The following ATP2B2 variants were observed in gnomAD, a reference collection of about 807,000 sequenced individuals.
ATP2B2 encodes ATPase plasma membrane Ca2+ transporting 2.
ATP2B2 carries 15 observed loss-of-function variants against 120.0 expected under a neutral mutation model. That is an observed-to-expected ratio of 0.12 (90% CI 0.08 to 0.19). The LOEUF is 0.19. Among genes scored for constraint, ATP2B2 ranks in the 10% least tolerant of loss-of-function variants. The pLI is 1.00. For missense variants in ATP2B2, 1,045 were observed against 1,719.8 expected (o/e 0.61, Z 6.94); for synonymous variants, 694 against 700.3 (o/e 0.99, Z 0.14).
chr3:10,385,237 C>A (rs1048064133), intron 8 of ATP2B2, 31 bp downstream of exon 8: 21 of 1,610,766 alleles, frequency 1.3e-5, no homozygotes, highest in Non-Finnish European at 1.5e-5. Context: ...CCCATCCAAC[C>A]ATGACCAGGA....
At chr3:10,704,738 G>A (rs915089879) in intron 1 of ATP2B2, among the ~76,000 whole-genome samples, 3 of 152,180 alleles carry the variant, frequency 2.0e-5, no homozygotes, top group Non-Finnish European at 4.4e-5. Context: ...TGGAGAGGGT[G>A]GAAAGGAGGC....
intron 2 of ATP2B2, among the ~76,000 whole-genome samples, chr3:10,599,111 C>A (rs908486246): frequency 6.6e-6 from 1 of 152,194 alleles, no homozygotes; most frequent in Non-Finnish European, 1.5e-5. Context: ...ATCCCTGGGG[C>A]CTTAGTCCAC....
chr3:10,663,727 C>T (rs2070850165), intron 1 of ATP2B2, among the ~76,000 whole-genome samples: 1 of 152,088 alleles, frequency 6.6e-6, no homozygotes, highest in African/African-American at 2.4e-5. Context: ...AGAGGGGGTC[C>T]AAGCTGAGCC....
intron 3 of ATP2B2, among the ~76,000 whole-genome samples, chr3:10,408,711 A>G (rs2062503500): frequency 1.3e-5 from 2 of 152,214 alleles, no homozygotes; most frequent in Admixed American, 6.5e-5. Context: ...AAGATGGAAC[A>G]TCGCAGCCAT....
intron 1 of ATP2B2, among the ~76,000 whole-genome samples, chr3:10,646,588 T>C (rs545038178): frequency 6.6e-6 from 1 of 152,086 alleles, no homozygotes; most frequent in Non-Finnish European, 1.5e-5. Flanking sequence ...TGTTTCTTCA[T>C]TCACCTCCTC....
intron 8 of ATP2B2, among the ~76,000 whole-genome samples, chr3:10,380,346 C>T (rs995561194): frequency 7.2e-5 from 11 of 152,204 alleles, no homozygotes; most frequent in African/African-American, 1.7e-4. Context: ...CAACAGGCCT[C>T]GCCCCCTTGG....
intron 2 of ATP2B2, among the ~76,000 whole-genome samples, chr3:10,435,094 C>T (rs753457432): frequency 5.3e-5 from 8 of 152,192 alleles, no homozygotes; most frequent in Non-Finnish European, 8.8e-5. Flanking sequence ...CACAGCTGTG[C>T]GACGTGGGCG....
In ATP2B2 at chr3:10,350,595, G is replaced by A. The variant is rs775125567; in HGVS notation, c.2137-18C>T. 4 of 1,607,834 alleles carry A rather than the reference G, an allele frequency of 2.5e-6. No homozygotes were observed. Among genetic ancestry groups the A allele is most frequent in the Non-Finnish European group, 3.4e-6 (4 of 1,178,732 alleles). On this transcript the variant is annotated intron_variant, in intron 14 of 22. Transcript: ENST00000360273. ...TCTGGGACCTGGGCAGGAGGGCAGG[G>A]GCCATGGGGGAGGGCACCACCTCAG...
chr3:10,421,076 C>T (rs999757926), intron 2 of ATP2B2, among the ~76,000 whole-genome samples: 1 of 152,176 alleles, frequency 6.6e-6, no homozygotes, highest in Non-Finnish European at 1.5e-5. Context: ...GAGTCACACA[C>T]TCTTGGATGG....
intron 2 of ATP2B2, among the ~76,000 whole-genome samples, chr3:10,593,798 T>G (rs1256086881): frequency 6.6e-6 from 1 of 151,610 alleles, no homozygotes; most frequent in South Asian, 2.1e-4. Context: ...TGGGAGAAAA[T>G]TTTTGCAATC....
At chr3:10,542,074 C>A in intron 2 of ATP2B2, among the ~76,000 whole-genome samples, 1 of 152,236 alleles carries the variant, frequency 6.6e-6, no homozygotes, top group East Asian at 1.9e-4. Context: ...GCCACTCCCA[C>A]TTTCTTTTGA....
rs1559488920 is a variant in ATP2B2 at position 10,617,294 on chromosome 3, G to T, written c.-415+2623C>A. Among the ~76,000 whole-genome samples, 5 of 152,132 alleles carry T rather than the reference G, an allele frequency of 3.3e-5. No individual in the cohort carries two copies. In the South Asian group the frequency reaches 1.0e-3, roughly 32 times the overall value. ...CTAGTAGGTTATGCCACTCTCAGGGGTATAACAATGTCTCATCACACATAT... is the reference window on the plus strand; with the variant it reads ...CTAGTAGGTTATGCCACTCTCAGGGTTATAACAATGTCTCATCACACATAT... On this transcript the variant is annotated intron_variant, in intron 2 of 21. Coordinates refer to the ATP2B2 transcript ENST00000646379.
chr3:10,459,648 C>T (rs2064403570), intron 1 of ATP2B2, among the ~76,000 whole-genome samples: 1 of 152,254 alleles, frequency 6.6e-6, no homozygotes, highest in African/African-American at 2.4e-5. Context: ...CTCATTCTCT[C>T]CCACTGTCTG....
chr3:10,661,983 A>G (rs1407846861), intron 1 of ATP2B2, among the ~76,000 whole-genome samples: 1 of 152,226 alleles, frequency 6.6e-6, no homozygotes, highest in Admixed American at 6.5e-5. Context: ...AAACCTGACA[A>G]AAACAAGAAA....
At chr3:10,406,502 C>T (rs1438517502) in intron 3 of ATP2B2, among the ~76,000 whole-genome samples, 2 of 152,176 alleles carry the variant, frequency 1.3e-5, no homozygotes, top group Non-Finnish European at 2.9e-5. Context: ...TACACAAATA[C>T]CATTGTGTTA....
At position 10,542,231 on chromosome 3, in the gene ATP2B2, G is replaced by A. The variant is rs926317015; in HGVS notation, c.-414-8098C>T. On this transcript the variant is annotated intron_variant, in intron 2 of 21. Coordinates refer to the ATP2B2 transcript ENST00000646379. ...TCTTTGTCTTTGAATTGGTGTATTTGGGCCATTGATATTTAATGTAATAAT... is the reference window on the plus strand; with the variant it reads ...TCTTTGTCTTTGAATTGGTGTATTTAGGCCATTGATATTTAATGTAATAAT... 2.0e-5 allele frequency among the ~76,000 whole-genome samples: 3 copies of A among 152,006 alleles called. No homozygotes were observed. The East Asian group carries it at 5.8e-4, about 29-fold the overall frequency.
chr3:10,637,416 C>G (rs183687938), intron 1 of ATP2B2, among the ~76,000 whole-genome samples: 51 of 152,246 alleles, frequency 3.3e-4, no homozygotes, highest in Admixed American at 5.9e-4. Context: ...TAACTATATT[C>G]CACATGTTCA....
In ATP2B2 at chr3:10,488,840, A is replaced by G. The variant is rs2065829255; in HGVS notation, c.-320+16625T>C. ...TCCTTCCTCTCACCTCACCCCCCAC[A>G]GTCTGTTTTCCACACACAGTCAGAC... On this transcript the variant is annotated intron_variant, in intron 1 of 22. Transcript: ENST00000360273. Among the ~76,000 whole-genome samples the G allele has an allele frequency of 5.3e-5, 8 of 151,424 alleles. No individual in the cohort carries two copies. In the South Asian group the frequency reaches 1.7e-3, roughly 32 times the overall value.
intron 1 of ATP2B2, among the ~76,000 whole-genome samples, chr3:10,690,472 C>A (rs746936325): frequency 5.3e-5 from 8 of 151,506 alleles, no homozygotes; most frequent in African/African-American, 1.2e-4. Context: ...ATCTATCTAT[C>A]TATCTATATA....
Sources: gnomAD v4.1 joint callset for allele counts (sites outside exome capture counted in the v4.1 genomes callset) on GRCh38, gnomAD v4.1.1 for gene constraint, MANE v1.5 for transcripts, NCBI Gene and HGNC (gene_info 2026-07-23, HGNC 2026-07-21) for gene names.